The following EPS8 variants were observed in gnomAD, a reference collection of about 807,000 sequenced individuals.
The protein encoded by EPS8 is epidermal growth factor receptor kinase substrate 8.
EPS8 carries 42 observed loss-of-function variants against 103.8 expected under a neutral mutation model. That is an observed-to-expected ratio of 0.40 (90% confidence interval 0.32 to 0.52). The LOEUF (loss-of-function observed/expected upper bound fraction) is 0.52, where lower values mean the gene tolerates loss of function less well. Ranked by LOEUF, EPS8 falls within the 20% of genes least tolerant of loss-of-function variation. EPS8 has a pLI of 0.40. For missense variants in EPS8, 969 were observed against 1,005.1 expected, an observed-to-expected ratio of 0.96 and a Z score of 0.49; for synonymous variants, 344 against 344.6, an observed-to-expected ratio of 1.00 and a Z score of 0.02.
At position 15,713,582 on chromosome 12, in the gene EPS8, G is replaced by A. The variant is rs1591887461; in HGVS notation, c.-21-30610C>T. On this transcript the variant is annotated intron_variant, in intron 1 of 20. Coordinates refer to ENST00000281172, the MANE Select transcript of EPS8 (RefSeq NM_004447.6). The surrounding 1 kb of genome is among the most constrained non-coding windows in gnomAD (Gnocchi z 4.8). ...AACAGAAGAAAGTGCTCCCTCAAGA[G>A]AGAAAGCACTCTGCTGGATTTCCAG... Among the ~76,000 whole-genome samples, 1 of 152,194 alleles carries A rather than the reference G, an allele frequency of 6.6e-6. No individual in the cohort carries two copies. Among genetic ancestry groups the A allele is most frequent in the Non-Finnish European group, 1.5e-5 (1 of 68,036 alleles).
intron 1 of EPS8, among the ~76,000 whole-genome samples, chr12:15,741,465 T>TAGG (rs1164947084): frequency 6.6e-6 from 1 of 152,158 alleles, no homozygotes; most frequent in African/African-American, 2.4e-5. Flanking sequence ...CCATCTGCAG[T>TAGG]TTGGGGTAGA....
At chr12:15,743,672 T>A (rs1946847196) in intron 1 of EPS8, among the ~76,000 whole-genome samples, 1 of 152,222 alleles carries the variant, frequency 6.6e-6, no homozygotes, top group Non-Finnish European at 1.5e-5. Context: ...AAGGATTCCC[T>A]ATTTAATAAA....
intron 1 of EPS8, among the ~76,000 whole-genome samples, chr12:15,723,316 A>T (rs117807153): frequency 0.025 from 3,856 of 152,110 alleles, 73 homozygotes; most frequent in Non-Finnish European, 0.038. Context: ...GTCTCAAAAA[A>T]ATATATATAT....
chr12:15,627,935 AT>A (rs1039446234), intron 18 of EPS8, among the ~76,000 whole-genome samples: 7 of 152,222 alleles, frequency 4.6e-5, no homozygotes, highest in Admixed American at 3.9e-4. Flanking sequence ...ATGTTCTATG[AT>A]TTTTCCCCCC....
At chr12:15,742,189 T>C (rs1323383089) in intron 1 of EPS8, among the ~76,000 whole-genome samples, 1 of 152,250 alleles carries the variant, frequency 6.6e-6, no homozygotes, top group African/African-American at 2.4e-5. Flanking sequence ...TGCATGTGTC[T>C]TTATAGCAGC....
rs939367117 is a variant in EPS8 at position 15,631,557 on chromosome 12, T to C, written c.1929A>G (p.Ala643=). The C allele has an allele frequency of 8.7e-6, 14 of 1,613,824 alleles. No homozygotes were observed. The highest frequency in any genetic ancestry group is 1.1e-5 in the Non-Finnish European group (13 of 1,179,916). ...CTGGGACCTTTGACACAGGAACAGG[T>C]GCTGGAGTGGAAGGGGGAAGGGGAA... ...VPVPLPPSTP[A]PVPVSKVPAN... Residue 643 remains alanine, a synonymous_variant, in exon 18 of 21, where the codon GCA becomes GCG. Coordinates refer to ENST00000281172, the MANE Select transcript of EPS8 (RefSeq NM_004447.6).
intron 16 of EPS8, 113 bp downstream of exon 16, chr12:15,641,609 A>G (rs1438228323): frequency 2.0e-6 from 1 of 495,678 alleles, no homozygotes. Context: ...TATTTCTAAT[A>G]TACTACGTCT....
intron 8 of EPS8, chr12:15,662,301 G>C (rs1473135512): frequency 1.5e-6 from 2 of 1,349,476 alleles, no homozygotes; most frequent in East Asian, 2.8e-5. Context: ...CAGAGCTTAA[G>C]TATTAGTCCT....
At chr12:15,672,645 A>G in intron 3 of EPS8, 1 of 393,938 alleles carries the variant, frequency 2.5e-6, no homozygotes, top group South Asian at 1.4e-4. Context: ...TTTTCTGATT[A>G]GTTGTTGAGG....
At position 15,660,971 on chromosome 12, in the gene EPS8, A is replaced by G. The variant is rs71459191; in HGVS notation, c.811-231T>C. ...CTATTTTCAATGTCATCAAGGAAGC[A>G]TTCACAATATCTGCTCAGATTATTA... On this transcript the variant is annotated intron_variant, in intron 9 of 20. Coordinates refer to ENST00000281172, the MANE Select transcript of EPS8 (RefSeq NM_004447.6). 0.022 allele frequency among the ~76,000 whole-genome samples: 3,377 copies of G among 152,332 alleles called. 60 individuals are homozygous for G. Among genetic ancestry groups the G allele is most frequent in the African/African-American group, 0.053 (2,207 of 41,578 alleles).
In EPS8 at chr12:15,692,768, CTCT is replaced by C. The variant is rs560770077; in HGVS notation, c.-21-9799_-21-9797del. 4.0e-5 allele frequency among the ~76,000 whole-genome samples: 6 copies of C among 151,372 alleles called. No homozygotes were observed. In the South Asian group the frequency reaches 1.3e-3, roughly 32 times the overall value. On this transcript the variant is annotated intron_variant, in intron 1 of 20. Coordinates refer to ENST00000281172, the MANE Select transcript of EPS8 (RefSeq NM_004447.6). ...TTTTTTCTACTTTCTGGGTAGCTTC[CTCT>C]TCTTTATATTCAAAAAACATTTTGA...
intron 1 of EPS8, among the ~76,000 whole-genome samples, chr12:15,712,366 C>T (rs950861540): frequency 3.3e-5 from 5 of 152,066 alleles, no homozygotes; most frequent in African/African-American, 1.2e-4. Context: ...GAAGTCTAAA[C>T]CTGGTTAATA....
chr12:15,713,554 A>C lies in EPS8; in HGVS notation c.-21-30582T>G, dbSNP rs2135963808. Among the ~76,000 whole-genome samples the C allele has an allele frequency of 6.6e-6, 1 of 152,312 alleles. No homozygotes were observed. The highest frequency in any genetic ancestry group is 1.9e-4 in the East Asian group (1 of 5,184). On this transcript the variant is annotated intron_variant, in intron 1 of 20. Coordinates refer to ENST00000281172, the MANE Select transcript of EPS8 (RefSeq NM_004447.6). This position sits in a 1 kb window ranked among gnomAD's most constrained non-coding sequence, Gnocchi z 4.8. Reference sequence around the variant, plus strand: ...GTAACAAGATGCCTCTTGAAGGAGAAAGAACAGAAGAAAGTGCTCCCTCAA... The same window carrying C: ...GTAACAAGATGCCTCTTGAAGGAGACAGAACAGAAGAAAGTGCTCCCTCAA...
At chr12:15,711,386 G>A (rs993820674) in intron 1 of EPS8, among the ~76,000 whole-genome samples, 3 of 152,106 alleles carry the variant, frequency 2.0e-5, no homozygotes, top group Non-Finnish European at 4.4e-5. Context: ...CTCCTCCATA[G>A]TCATTTCCTC....
rs201909565 is a variant in EPS8, at chr12:15,631,571, G to C, written c.1915C>G (p.Pro639Ala). 1.4e-5 allele frequency: 22 copies of C among 1,613,944 alleles called. No homozygotes were observed. Among genetic ancestry groups the C allele is most frequent in the East Asian group, 4.5e-5 (2 of 44,896 alleles). ...TPAPVPVPLP[P>A]STPAPVPVSK... ...ACAGGAACAGGTGCTGGAGTGGAAG[G>C]GGGAAGGGGAACAGGAACAGGAGCT... The change falls in exon 18 of 21, where the codon CCT becomes GCT. Residue 639 changes from proline (P) to alanine (A), a missense_variant. By Grantham distance (27) the Pro-to-Ala change is conservative. Transcript: ENST00000281172.
At position 15,716,774 on chromosome 12, in the gene EPS8, T is replaced by C. The variant is rs1217604440; in HGVS notation, c.-21-33802A>G. On this transcript the variant is annotated intron_variant, in intron 1 of 20. Transcript: ENST00000281172. This position sits in a 1 kb window ranked among gnomAD's most constrained non-coding sequence, Gnocchi z 5.0. ...ATGATGTGAGGTCACTTACATAAAT[T>C]GTTAGGACAACCAAGCAGAATCGAT... Among the ~76,000 whole-genome samples, 2 of 152,184 alleles carry C rather than the reference T, an allele frequency of 1.3e-5. No homozygotes were observed. The highest frequency in any genetic ancestry group is 2.9e-5 in the Non-Finnish European group (2 of 68,026).
intron 15 of EPS8, among the ~76,000 whole-genome samples, chr12:15,645,930 A>G (rs1173407088): frequency 2.6e-5 from 4 of 152,204 alleles, no homozygotes; most frequent in Non-Finnish European, 4.4e-5. Context: ...CTGGAGTGAT[A>G]AAACAAAAAG....
chr12:15,635,000 G>C (rs1207621387), intron 17 of EPS8, among the ~76,000 whole-genome samples: 2 of 152,030 alleles, frequency 1.3e-5, no homozygotes, highest in Non-Finnish European at 2.9e-5. Context: ...ACCGTGTAAA[G>C]TACTTCAACA....
In EPS8 at chr12:15,708,812, TGTA is replaced by T. The variant is rs756969029; in HGVS notation, c.-21-25843_-21-25841del. On this transcript the variant is annotated intron_variant, in intron 1 of 20. Coordinates refer to ENST00000281172, the MANE Select transcript of EPS8 (RefSeq NM_004447.6). ...CAGAAAATGTTATCTGAGTTAGAAA[TGTA>T]GTCACTATCTACAAAGCCTGTGTTT... is the stretch of plus-strand genomic sequence containing the variant. 8.6e-4 allele frequency among the ~76,000 whole-genome samples: 131 copies of T among 152,380 alleles called. 2 individuals carry two copies. Among genetic ancestry groups the T allele is most frequent in the Non-Finnish European group, 1.0e-3 (71 of 68,034 alleles).
Sources: gnomAD v4.1 joint callset for allele counts (sites outside exome capture counted in the v4.1 genomes callset) on GRCh38, gnomAD v4.1.1 for gene constraint, Gnocchi (gnomAD v3.1) non-coding constraint, MANE v1.5 for transcripts, NCBI Gene and HGNC (gene_info 2026-07-23, HGNC 2026-07-21) for gene names.